TSC22D1: variants seen among roughly 807,000 people sequenced by gnomAD.
TSC22D1 encodes the protein TSC22 domain family member 1.
A neutral mutation model predicts 74.2 loss-of-function variants in TSC22D1; 9 were observed. The observed-to-expected ratio is 0.12, with a 90% confidence interval of 0.07 to 0.21. The LOEUF (loss-of-function observed/expected upper bound fraction) is 0.21. Ranked by LOEUF, TSC22D1 falls within the 10% of genes least tolerant of loss-of-function variation. TSC22D1 has a pLI of 1.00. For synonymous variants in TSC22D1, 586 were observed against 492.5 expected (o/e 1.19, Z -2.51); for missense variants, 1,427 against 1,304.7 (o/e 1.09, Z -1.44).
chr13:44,562,720 A>G (rs1248384133), intron 1 of TSC22D1, among the ~76,000 whole-genome samples: 1 of 152,212 alleles, frequency 6.6e-6, no homozygotes, highest in Non-Finnish European at 1.5e-5. Flanking sequence ...TAAAATATTC[A>G]TATTAGTTCG....
At chr13:44,478,340 T>C (rs986669275) in intron 1 of TSC22D1, among the ~76,000 whole-genome samples, 2 of 152,170 alleles carry the variant, frequency 1.3e-5, no homozygotes, top group Non-Finnish European at 2.9e-5. Context: ...ATACGTATAT[T>C]ACCTCATGTA....
At chr13:44,521,951 A>G in intron 1 of TSC22D1, among the ~76,000 whole-genome samples, 1 of 120,734 alleles carries the variant, frequency 8.3e-6, no homozygotes, top group African/African-American at 3.0e-5. Context: ...AGCAGCTGCT[A>G]AAAAAAACAA....
chr13:44,573,239 G>A lies in TSC22D1; in HGVS notation c.2836C>T (p.Leu946=), dbSNP rs1055965825. The change falls in exon 1 of 3, where the codon CTA becomes TTA. Residue 946 remains leucine (L), a synonymous_variant. Coordinates refer to ENST00000458659, the MANE Select transcript of TSC22D1 (RefSeq NM_183422.4). ...GGGAAAAGAGAAGCAGAGGCTGCTAGGCTGCTGCTACTCCCATCTGAAACT... is the reference window on the plus strand; with the variant it reads ...GGGAAAAGAGAAGCAGAGGCTGCTAAGCTGCTGCTACTCCCATCTGAAACT... ...SAVSDGSSSS[L]AASASLFPLK... 3.7e-6 allele frequency: 6 copies of A among 1,614,106 alleles called. No individual in the cohort carries two copies. The African/African-American group carries it at 8.0e-5, about 22-fold the overall frequency.
At chr13:44,444,249 A>AG (rs1410977011) in intron 1 of TSC22D1, among the ~76,000 whole-genome samples, 1 of 126,246 alleles carries the variant, frequency 7.9e-6, no homozygotes, top group Non-Finnish European at 1.6e-5. Context: ...ACTGTACTCC[A>AG]GCCTGGGGAA....
chr13:44,485,581 T>C (rs766748779), intron 1 of TSC22D1, among the ~76,000 whole-genome samples: 1 of 152,108 alleles, frequency 6.6e-6, no homozygotes, highest in Non-Finnish European at 1.5e-5. Context: ...AAATGGGTAC[T>C]CAGATATTTG....
chr13:44,569,648 C>A (rs777529732), intron 1 of TSC22D1, among the ~76,000 whole-genome samples: 4 of 152,084 alleles, frequency 2.6e-5, no homozygotes, highest in Non-Finnish European at 5.9e-5. Context: ...TATTTGAGGA[C>A]CTACTATAAA....
intron 1 of TSC22D1, among the ~76,000 whole-genome samples, chr13:44,525,728 G>A (rs1256886773): frequency 6.9e-6 from 1 of 145,114 alleles, no homozygotes; most frequent in Non-Finnish European, 1.5e-5. Flanking sequence ...AGATAAACAT[G>A]AAACTTCATA....
At chr13:44,517,855 A>ATTT (rs1262351609) in intron 1 of TSC22D1, among the ~76,000 whole-genome samples, 4 of 23,542 alleles carry the variant, frequency 1.7e-4, no homozygotes, top group African/African-American at 3.3e-4. Context: ...ATATATATAT[A>ATTT]TATTTTTTTT....
At chr13:44,452,119 G>A (rs1057349022) in intron 1 of TSC22D1, among the ~76,000 whole-genome samples, 2 of 152,134 alleles carry the variant, frequency 1.3e-5, no homozygotes, top group African/African-American at 4.8e-5. Context: ...AACAAAACAC[G>A]ATATAAAGCT....
chr13:44,539,140 T>G (rs1049096962), intron 1 of TSC22D1: 28 of 985,202 alleles, frequency 2.8e-5, no homozygotes, highest in South Asian at 1.4e-4. Flanking sequence ...TCCTAGGGAC[T>G]AGAAAATGAC....
chr13:44,457,434 A>G (rs1209318127), intron 1 of TSC22D1, among the ~76,000 whole-genome samples: 1 of 152,206 alleles, frequency 6.6e-6, no homozygotes, highest in East Asian at 1.9e-4. Flanking sequence ...ATTTTGAAAG[A>G]AATGAGAGAA....
At chr13:44,571,901 TAAA>T (rs1883791031) in intron 1 of TSC22D1, among the ~76,000 whole-genome samples, 1 of 152,118 alleles carries the variant, frequency 6.6e-6, no homozygotes, top group Non-Finnish European at 1.5e-5. Context: ...TTTAAACAAC[TAAA>T]TAACACAAAC....
intron 1 of TSC22D1, among the ~76,000 whole-genome samples, chr13:44,440,201 A>G (rs1260685806): frequency 6.6e-6 from 1 of 152,280 alleles, no homozygotes; most frequent in Admixed American, 6.5e-5. Flanking sequence ...GAAATGCCAA[A>G]GAAATGGCTG....
At chr13:44,528,316 G>GT (rs2138058123) in intron 1 of TSC22D1, among the ~76,000 whole-genome samples, 1 of 151,900 alleles carries the variant, frequency 6.6e-6, no homozygotes, top group Admixed American at 6.6e-5. Context: ...TAAAACAAAT[G>GT]TAAAAGAATA....
chr13:44,576,410 G>A (rs1248345376), upstream of TSC22D1: 1 of 241,822 alleles, frequency 4.1e-6, no homozygotes, highest in African/African-American at 2.2e-5. Context: ...GCGCAGGAAG[G>A]GGAGGAAAAG....
chr13:44,512,676 G>C (rs953278435), intron 1 of TSC22D1, among the ~76,000 whole-genome samples: 4 of 151,476 alleles, frequency 2.6e-5, no homozygotes, highest in Non-Finnish European at 1.5e-5. Context: ...TTTGTTTTTT[G>C]AGATGGAGTC....
chr13:44,433,811 A>C lies in TSC22D1; in HGVS notation c.*815T>G. On this transcript the variant is annotated 3_prime_UTR_variant, in exon 3 of 3. Coordinates refer to ENST00000458659, the MANE Select transcript of TSC22D1 (RefSeq NM_183422.4). ...GTGAGTAACTGTGCCAAATTCTTAA[A>C]ATTTCTTTAGGTGTGGTTTTTGTCA... The C allele has an allele frequency of 1.7e-6, 1 of 588,086 alleles. No individual in the cohort carries two copies. The highest frequency in any genetic ancestry group is 2.8e-6 in the Non-Finnish European group (1 of 362,082). 36.4% of individuals were successfully genotyped at this position (588,086 alleles called of 1,614,324 possible). A position where few individuals can be genotyped will look rare whatever the true frequency, so the allele number is the denominator to read the frequency against.
intron 1 of TSC22D1, among the ~76,000 whole-genome samples, chr13:44,546,420 C>T (rs2138122621): frequency 6.6e-6 from 1 of 152,306 alleles, no homozygotes; most frequent in East Asian, 1.9e-4. Flanking sequence ...AATATACCAT[C>T]ACTTCTGTCA....
chr13:44,497,814 A>G (rs1398167097), intron 1 of TSC22D1, among the ~76,000 whole-genome samples: 1 of 152,186 alleles, frequency 6.6e-6, no homozygotes, highest in Non-Finnish European at 1.5e-5. Flanking sequence ...CACTGTTCCC[A>G]CATTTAATCC....
Sources: gnomAD v4.1 joint callset for allele counts (sites outside exome capture counted in the v4.1 genomes callset) on GRCh38, gnomAD v4.1.1 for gene constraint, MANE v1.5 for transcripts, NCBI Gene and HGNC (gene_info 2026-07-23, HGNC 2026-07-21) for gene names.